The following TTC21A variants were observed in gnomAD, a reference collection of about 807,000 sequenced individuals.
TTC21A encodes the protein tetratricopeptide repeat protein 21A.
Under a neutral mutation model 156.4 loss-of-function variants are expected in TTC21A, and 128 were observed. That is an observed-to-expected ratio of 0.82 (90% CI 0.71 to 0.95). The LOEUF (loss-of-function observed/expected upper bound fraction) is 0.95. TTC21A is among the 40% of genes least tolerant of loss of function. TTC21A has a pLI of 0.00. For synonymous variants in TTC21A, 587 were observed against 617.1 expected, an observed-to-expected ratio of 0.95 and a Z score of 0.72; for missense variants, 1,435 against 1,602.3, an observed-to-expected ratio of 0.90 and a Z score of 1.78.
intron 1 of TTC21A, chr3:39,108,426 C>T (rs539310551): frequency 6.4e-6 from 1 of 155,756 alleles, no homozygotes; most frequent in African/African-American, 2.4e-5. Flanking sequence ...GCACACACCC[C>T]CCACATGCAA....
rs2036559406 is a variant in TTC21A, at chr3:39,109,109, G to A, written c.52G>A (p.Glu18Lys). 6.2e-7 allele frequency: 1 copy of A among 1,614,024 alleles called. No individual in the cohort carries two copies. The highest frequency in any genetic ancestry group is 8.5e-7 in the Non-Finnish European group (1 of 1,179,962). Residue 18 changes from glutamate (E) to lysine (K), a missense_variant, in exon 2 of 29, where the codon GAA (glutamate) becomes AAA (lysine). Coordinates refer to ENST00000683103, the MANE Select transcript of TTC21A (RefSeq NM_001366900.1). ...GGCTGGGATCATTTACTATAGCCAG[G>A]AAAAGTACTTCCACCATGTGCAGCA... is the stretch of plus-strand genomic sequence containing the variant. ...LMAGIIYYSQ[E>K]KYFHHVQQAA...
chr3:39,133,674 G>A lies in TTC21A; in HGVS notation c.2751+434G>A, dbSNP rs550164291. Among the ~76,000 whole-genome samples, 13 of 152,290 alleles carry A rather than the reference G, an allele frequency of 8.5e-5. No homozygotes were observed. The East Asian group carries it at 1.7e-3, about 20-fold the overall frequency. Reference sequence around the variant, plus strand: ...TAAGGGAACCATAGTTGGAGTTCACGCTAACACAGTAGATGAAGAGCTTAG... The same window carrying A: ...TAAGGGAACCATAGTTGGAGTTCACACTAACACAGTAGATGAAGAGCTTAG... On this transcript the variant is annotated intron_variant, in intron 20 of 28. Coordinates refer to ENST00000683103, the MANE Select transcript of TTC21A (RefSeq NM_001366900.1).
chr3:39,113,582 C>T lies in TTC21A; in HGVS notation c.558+1002C>T, dbSNP rs1261742064. Among the ~76,000 whole-genome samples, 4 of 152,202 alleles carry T rather than the reference C, an allele frequency of 2.6e-5. No individual in the cohort carries two copies. The South Asian group carries it at 6.2e-4, about 24-fold the overall frequency. On this transcript the variant is annotated intron_variant, in intron 5 of 28. Transcript: ENST00000683103. The stretch of plus-strand genomic sequence containing the variant: ...TGGAGAGCCATCAGCCACCAACTCT[C>T]CTGCTCCTGATGGTAGGGGGTGGGT...
intron 6 of TTC21A, among the ~76,000 whole-genome samples, chr3:39,117,802 G>A (rs2037418380): frequency 6.6e-6 from 1 of 152,164 alleles, no homozygotes; most frequent in Non-Finnish European, 1.5e-5. Flanking sequence ...GGGAAGGCAT[G>A]CTGGTAGGGC....
rs1182598519 is a variant in TTC21A at position 39,130,345 on chromosome 3, A to C, written c.2306A>C (p.His769Pro). The stretch of plus-strand genomic sequence containing the variant: ...ATTGGGCACGCTTATGTGAAGGCCC[A>C]CCAGTATACTGAGGTCAGGCTGGGC... Reference protein sequence around the residue: ...SRIGHAYVKAHQYTEAIEYYE... With the variant: ...SRIGHAYVKAPQYTEAIEYYE... The change falls in exon 17 of 29, where the codon CAC (histidine) becomes CCC (proline). Residue 769 changes from histidine (H) to proline (P), a missense_variant. Physicochemically the swap from His to Pro is moderately conservative, Grantham distance 77 (BLOSUM62 -2). Coordinates refer to ENST00000683103, the MANE Select transcript of TTC21A (RefSeq NM_001366900.1). The surrounding 1 kb of genome is among the most constrained non-coding windows in gnomAD (Gnocchi z 4.5). 1 of 1,612,922 alleles carries C rather than the reference A, an allele frequency of 6.2e-7. No individual in the cohort carries two copies. The highest frequency in any genetic ancestry group is 2.2e-5 in the East Asian group (1 of 44,868).
intron 13 of TTC21A, 52 bp downstream of exon 13, chr3:39,128,540 C>G (rs1312191591): frequency 6.2e-7 from 1 of 1,610,100 alleles, no homozygotes; most frequent in African/African-American, 1.3e-5. Flanking sequence ...AGCTGTGGCC[C>G]CTGTTTGCCT....
chr3:39,117,164 AT>A (rs1314336398), intron 6 of TTC21A, among the ~76,000 whole-genome samples: 9 of 152,186 alleles, frequency 5.9e-5, no homozygotes, highest in African/African-American at 2.2e-4. Context: ...GGCTCCAAGA[AT>A]TTTCTAATAT....
At position 39,108,644 on chromosome 3, in the gene TTC21A, G is replaced by A. The variant is rs559017782; in HGVS notation, c.28-441G>A. On this transcript the variant is annotated intron_variant, in intron 1 of 28. Coordinates refer to ENST00000683103, the MANE Select transcript of TTC21A (RefSeq NM_001366900.1). ...TTAACTTTAAAATCTCAGCCCCTTT[G>A]TCAAGCTGTAGTTTCCATGGGCTTA... Among the ~76,000 whole-genome samples the A allele has an allele frequency of 3.1e-3, 473 of 152,270 alleles. 3 individuals are homozygous for A. Among genetic ancestry groups the A allele is most frequent in the Middle Eastern group, 0.01 (3 of 294 alleles).
In TTC21A at chr3:39,134,998, T is replaced by A. The variant is rs1426174342; in HGVS notation, c.2863-95T>A. 3 of 1,090,952 alleles carry A rather than the reference T, an allele frequency of 2.7e-6. No individual in the cohort carries two copies. Among genetic ancestry groups the A allele is most frequent in the Non-Finnish European group, 1.4e-6 (1 of 707,216 alleles). 67.6% of individuals were successfully genotyped at this position (1,090,952 alleles called of 1,614,324 possible). On this transcript the variant is annotated intron_variant, in intron 21 of 28. Transcript: ENST00000683103. The surrounding 1 kb of genome is among the most constrained non-coding windows in gnomAD (Gnocchi z 4.6). ...TTGCAAGTCCTTTTCTACCTTCCCT[T>A]CTTACCACCATCACCCCCATACCCC...
intron 22 of TTC21A, among the ~76,000 whole-genome samples, chr3:39,135,687 T>G (rs952001851): frequency 6.6e-6 from 1 of 152,164 alleles, no homozygotes; most frequent in East Asian, 1.9e-4. Context: ...GGTCTACCAC[T>G]TACTGGTTGT....
intron 22 of TTC21A, among the ~76,000 whole-genome samples, chr3:39,135,714 T>G (rs548624614): frequency 3.4e-4 from 51 of 152,222 alleles, no homozygotes; most frequent in Non-Finnish European, 2.9e-5. Flanking sequence ...TTCAGCAAAT[T>G]ATTTCTCCAT....
chr3:39,133,988 T>A (rs1488994776), intron 20 of TTC21A, among the ~76,000 whole-genome samples: 1 of 152,100 alleles, frequency 6.6e-6, no homozygotes, highest in East Asian at 1.9e-4. Flanking sequence ...AGCTGAAGGA[T>A]GAAAATGTGT....
In TTC21A at chr3:39,137,038, G is replaced by A. The variant is rs1432470089; in HGVS notation, c.3235G>A (p.Glu1079Lys). Residue 1079 changes from glutamate (E) to lysine (K), a missense_variant, in exon 24 of 29, where the codon GAG (glutamate) becomes AAG (lysine). Glu to Lys is a moderately conservative substitution (Grantham distance 56). Coordinates refer to ENST00000683103, the MANE Select transcript of TTC21A (RefSeq NM_001366900.1). Reference sequence around the variant, plus strand: ...CGAGGTTGTGGGCGGAGAGGCTTTTGAGAACCAGGGAGCTGAGAGCAAGTA... The same window carrying A: ...CGAGGTTGTGGGCGGAGAGGCTTTTAAGAACCAGGGAGCTGAGAGCAAGTA... ...DNEVVGGEAF[E>K]NQGAESNYME... 7 of 1,613,462 alleles carry A rather than the reference G, an allele frequency of 4.3e-6. No individual in the cohort carries two copies. Among genetic ancestry groups the A allele is most frequent in the Admixed American group, 1.7e-5 (1 of 59,954 alleles).
At chr3:39,123,792 T>C (rs2037970703) in intron 9 of TTC21A, among the ~76,000 whole-genome samples, 1 of 151,214 alleles carries the variant, frequency 6.6e-6, no homozygotes, top group African/African-American at 2.4e-5. Flanking sequence ...AATGGCAAAC[T>C]AATAGAAAAC....
rs59925253 is a variant in TTC21A at position 39,126,475 on chromosome 3, T to TACACACAC, written c.1522+124_1522+131dup. 1.6e-3 allele frequency: 845 copies of TACACACAC among 520,476 alleles called. 4 individuals carry two copies. Among genetic ancestry groups the TACACACAC allele is most frequent in the African/African-American group, 0.011 (466 of 41,324 alleles). 32.2% of individuals were successfully genotyped at this position (520,476 alleles called of 1,614,324 possible). A position where few individuals can be genotyped will look rare whatever the true frequency, so the allele number is the denominator to read the frequency against. ...TCTGCAGGCTCCTTGCCTAGGATAC[T>TACACACAC]ACACACACACACACACACACACACA... On this transcript the variant is annotated intron_variant, in intron 12 of 28. Coordinates refer to ENST00000683103, the MANE Select transcript of TTC21A (RefSeq NM_001366900.1).
chr3:39,113,033 T>C (rs1430040427), intron 5 of TTC21A, among the ~76,000 whole-genome samples: 1 of 152,184 alleles, frequency 6.6e-6, no homozygotes, highest in Admixed American at 6.5e-5. Context: ...ATCTTAAGTT[T>C]CTTTTTTCTC....
intron 4 of TTC21A, among the ~76,000 whole-genome samples, chr3:39,111,909 A>G (rs1371965471): frequency 2.0e-5 from 3 of 152,186 alleles, no homozygotes; most frequent in African/African-American, 7.2e-5. Context: ...GGCCCTCCCC[A>G]TCTGCCTGGA....
Position 39,109,893 on chromosome 3 carries a change from G to T in TTC21A, c.158-136G>T, listed in dbSNP as rs1559664304. ...TCTTTCAAAGAGCCCCAATCTTCAGGGAACTTGGGTCACTGGGGACCTTTC... is the reference window on the plus strand; with the variant it reads ...TCTTTCAAAGAGCCCCAATCTTCAGTGAACTTGGGTCACTGGGGACCTTTC... On this transcript the variant is annotated intron_variant, in intron 2 of 28. Transcript: ENST00000683103. The T allele has an allele frequency of 1.1e-5, 7 of 628,812 alleles. No individual in the cohort carries two copies. In the East Asian group the frequency reaches 1.9e-4, roughly 17 times the overall value. 39.0% of individuals were successfully genotyped at this position (628,812 alleles called of 1,614,324 possible).
At chr3:39,126,142 T>A (rs1575534147) in intron 11 of TTC21A, 119 bp from the exon 12 acceptor site, 2 of 1,270,236 alleles carry the variant, frequency 1.6e-6, no homozygotes, top group East Asian at 4.7e-5. Flanking sequence ...ATACAGAGGA[T>A]AATAAATAAG....
Sources: allele counts gnomAD v4.1 joint callset (sites outside exome capture counted in the v4.1 genomes callset), GRCh38; gene constraint gnomAD v4.1.1; non-coding constraint Gnocchi (gnomAD v3.1); transcripts MANE v1.5; gene names NCBI Gene and HGNC (gene_info 2026-07-23, HGNC 2026-07-21).